Variants in MBTPS1 observed in about 807,000 individuals in gnomAD.
MBTPS1 encodes membrane-bound transcription factor site-1 protease.
In MBTPS1, 94 loss-of-function variants were observed where a neutral mutation model predicts 127.8. The observed-to-expected ratio is 0.74, with a 90% CI of 0.62 to 0.87. The LOEUF (loss-of-function observed/expected upper bound fraction) is 0.87, where lower values mean the gene tolerates loss of function less well. Among genes scored for constraint, MBTPS1 ranks in the 40% least tolerant of loss-of-function variants. MBTPS1 has a pLI of 0.00. For synonymous variants in MBTPS1, 632 were observed against 509.4 expected (o/e 1.24, Z -3.24); for missense variants, 1,636 against 1,353.2 (o/e 1.21, Z -3.28).
chr16:84,060,671 C>T lies in MBTPS1; in HGVS notation c.2704+11G>A. The T allele has an allele frequency of 6.2e-7, 1 of 1,611,294 alleles. No homozygotes were observed. The highest frequency in any genetic ancestry group is 8.5e-7 in the Non-Finnish European group (1 of 1,177,882). On this transcript the variant is annotated intron_variant, in intron 20 of 22. Coordinates refer to ENST00000343411, the MANE Select transcript of MBTPS1 (RefSeq NM_003791.4). ...AATTCCCTCCCCAAGGCATCCTGCCCATCCACTCACCTTCCATCCTCTCTG... is the reference window on the plus strand; with the variant it reads ...AATTCCCTCCCCAAGGCATCCTGCCTATCCACTCACCTTCCATCCTCTCTG...
chr16:84,060,493 G>T, intron 20 of MBTPS1, 189 bp downstream of exon 20: 1 of 589,546 alleles, frequency 1.7e-6, no homozygotes, highest in Non-Finnish European at 2.9e-6. Context: ...ATGGCCCTCT[G>T]GGGACTAAGG....
At chr16:84,116,304 A>C (rs2086477151) in intron 1 of MBTPS1, among the ~76,000 whole-genome samples, 1 of 152,230 alleles carries the variant, frequency 6.6e-6, no homozygotes, top group Non-Finnish European at 1.5e-5. Context: ...TGGTTCTGAG[A>C]GTTCGCCGAA....
At chr16:84,108,367 G>A (rs762912298) in intron 1 of MBTPS1, among the ~76,000 whole-genome samples, 29 of 152,188 alleles carry the variant, frequency 1.9e-4, no homozygotes, top group Non-Finnish European at 3.4e-4. Flanking sequence ...CAGCTGAAGC[G>A]ATTCTCCTGC....
chr16:84,085,294 G>A (rs2086004288), intron 9 of MBTPS1, among the ~76,000 whole-genome samples, 160 bp from the exon 10 acceptor site: 1 of 152,156 alleles, frequency 6.6e-6, no homozygotes, highest in Non-Finnish European at 1.5e-5. Flanking sequence ...CAGGCCAGGC[G>A]CAAGGCTCAC....
chr16:84,104,730 C>T (rs1190115827), intron 1 of MBTPS1, among the ~76,000 whole-genome samples: 1 of 152,078 alleles, frequency 6.6e-6, no homozygotes, highest in Non-Finnish European at 1.5e-5. Context: ...TAGGCAGGTA[C>T]TTGCCTTTAA....
Position 84,060,668 on chromosome 16 carries a change from G to C in MBTPS1, c.2704+14C>G, listed in dbSNP as rs1433660726. 1 of 1,610,852 alleles carries C rather than the reference G, an allele frequency of 6.2e-7. No homozygotes were observed. The highest frequency in any genetic ancestry group is 1.1e-5 in the South Asian group (1 of 90,922). ...TCCAATTCCCTCCCCAAGGCATCCTGCCCATCCACTCACCTTCCATCCTCT... is the reference window on the plus strand; with the variant it reads ...TCCAATTCCCTCCCCAAGGCATCCTCCCCATCCACTCACCTTCCATCCTCT... On this transcript the variant is annotated intron_variant, in intron 20 of 22. Coordinates refer to ENST00000343411, the MANE Select transcript of MBTPS1 (RefSeq NM_003791.4).
chr16:84,090,115 C>T (rs1271107333), intron 8 of MBTPS1, among the ~76,000 whole-genome samples: 2 of 152,190 alleles, frequency 1.3e-5, no homozygotes, highest in Non-Finnish European at 2.9e-5. Flanking sequence ...ATGAACTTCA[C>T]ATAGCTTCAC....
intron 4 of MBTPS1, among the ~76,000 whole-genome samples, chr16:84,095,261 G>T (rs557983850): frequency 6.6e-6 from 1 of 152,226 alleles, no homozygotes; most frequent in African/African-American, 2.4e-5. Context: ...GCCAGTGGCC[G>T]GCAGCGCTGT....
chr16:84,072,789 GA>G (rs200698445), intron 12 of MBTPS1, among the ~76,000 whole-genome samples: 2 of 151,092 alleles, frequency 1.3e-5, no homozygotes, highest in Middle Eastern at 3.4e-3. Context: ...CTCCGTCTCA[GA>G]AAAAAAAAGG....
chr16:84,066,651 T>A (rs1159622832), intron 16 of MBTPS1, 38 bp from the exon 17 acceptor site: 2 of 1,608,714 alleles, frequency 1.2e-6, no homozygotes, highest in South Asian at 1.1e-5. Context: ...GAACAGGGAA[T>A]GAAGACACTC....
intron 11 of MBTPS1, among the ~76,000 whole-genome samples, chr16:84,079,695 T>C (rs2085911935): frequency 6.6e-6 from 1 of 152,168 alleles, no homozygotes; most frequent in Non-Finnish European, 1.5e-5. Flanking sequence ...AGAGGTAACA[T>C]GACCATCTCT....
At chr16:84,108,065 G>A (rs557551649) in intron 1 of MBTPS1, among the ~76,000 whole-genome samples, 82 of 151,996 alleles carry the variant, frequency 5.4e-4, no homozygotes, top group African/African-American at 1.9e-3. Context: ...GGCTTTGCAA[G>A]CACAGACTGC....
rs753903559 is a variant in MBTPS1, at chr16:84,065,805, C to G, written c.2354-38G>C. Reference sequence around the variant, plus strand: ...GTTCAAAGTCAAGGGAACACAGGAACGCCGAACACTTTAATAAATAATAGC... The same window carrying G: ...GTTCAAAGTCAAGGGAACACAGGAAGGCCGAACACTTTAATAAATAATAGC... On this transcript the variant is annotated intron_variant, in intron 17 of 22. Transcript: ENST00000343411. The G allele has an allele frequency of 1.1e-5, 14 of 1,243,972 alleles. No homozygotes were observed. In the South Asian group the frequency reaches 2.0e-4, roughly 17 times the overall value. 77.1% of individuals were successfully genotyped at this position (1,243,972 alleles called of 1,614,324 possible).
chr16:84,106,744 C>T (rs777702083), intron 1 of MBTPS1, among the ~76,000 whole-genome samples: 8 of 152,152 alleles, frequency 5.3e-5, no homozygotes, highest in Non-Finnish European at 1.2e-4. Context: ...GGGGCACAGG[C>T]TGAGGCAGGG....
Position 84,101,871 on chromosome 16 carries a change from A to T in MBTPS1, c.-88T>A. 5 of 1,277,160 alleles carry T rather than the reference A, an allele frequency of 3.9e-6. No individual in the cohort carries two copies. Among genetic ancestry groups the T allele is most frequent in the Non-Finnish European group, 5.6e-6 (5 of 899,208 alleles). 79.1% of individuals were successfully genotyped at this position (1,277,160 alleles called of 1,614,324 possible). The stretch of plus-strand genomic sequence containing the variant: ...TAAAAGTGAATTTTTGTTTCAGCTA[A>T]AAGCTGCAACATTACTAATCAGCCA... On this transcript the variant is annotated 5_prime_UTR_variant, in exon 2 of 23. Transcript: ENST00000343411.
intron 11 of MBTPS1, 134 bp downstream of exon 11, chr16:84,081,613 C>T: frequency 1.5e-6 from 1 of 658,346 alleles, no homozygotes; most frequent in Non-Finnish European, 2.2e-6. Flanking sequence ...AGCAGCAAAA[C>T]CTCTCCAAGC....
In MBTPS1 at chr16:84,094,661, T is replaced by C. The variant is rs567791637; in HGVS notation, c.626-840A>G. Among the ~76,000 whole-genome samples, 8 of 152,338 alleles carry C rather than the reference T, an allele frequency of 5.3e-5. No homozygotes were observed. The East Asian group carries it at 1.5e-3, about 29-fold the overall frequency. The stretch of plus-strand genomic sequence containing the variant: ...AGATAAATATAAAAATCAATGCTAC[T>C]TTTAAAAAATGCACACACAAAATCA... On this transcript the variant is annotated intron_variant, in intron 4 of 22. Transcript: ENST00000343411.
intron 21 of MBTPS1, chr16:84,057,457 T>C (rs980985037): frequency 6.6e-6 from 1 of 152,244 alleles, no homozygotes; most frequent in Non-Finnish European, 1.5e-5. Flanking sequence ...GTGGGTGCTT[T>C]ACAGCATACT....
At chr16:84,082,479 G>C (rs1485850909) in intron 10 of MBTPS1, among the ~76,000 whole-genome samples, 2 of 152,190 alleles carry the variant, frequency 1.3e-5, no homozygotes, top group Non-Finnish European at 1.5e-5. Flanking sequence ...GCCACCTTCA[G>C]TTTCACCATG....
Sources: allele counts gnomAD v4.1 joint callset (sites outside exome capture counted in the v4.1 genomes callset), GRCh38; gene constraint gnomAD v4.1.1; transcripts MANE v1.5; gene names NCBI Gene and HGNC (gene_info 2026-07-23, HGNC 2026-07-21).